RELN: variants seen among roughly 807,000 people sequenced by gnomAD.
The protein encoded by RELN is reelin.
RELN carries 108 observed loss-of-function variants against 427.6 expected under a neutral mutation model. The ratio of observed to expected loss-of-function variants is 0.25; its 90% CI spans 0.22 to 0.30. The LOEUF is 0.30. Ranked by LOEUF, RELN falls within the 10% of genes least tolerant of loss-of-function variation. RELN has a pLI of 1.00. For missense variants in RELN, 3,715 were observed against 4,302.8 expected (o/e 0.86, Z 3.82); for synonymous variants, 1,524 against 1,513.4 (o/e 1.01, Z -0.16).
chr7:103,760,622 T>C (rs892184719), intron 4 of RELN, among the ~76,000 whole-genome samples: 1 of 152,064 alleles, frequency 6.6e-6, no homozygotes, highest in African/African-American at 2.4e-5. Context: ...GCTAATATTA[T>C]TGATTACTTA....
intron 3 of RELN, among the ~76,000 whole-genome samples, chr7:103,818,765 T>C (rs1325025073): frequency 1.3e-5 from 2 of 152,000 alleles, no homozygotes; most frequent in Non-Finnish European, 1.5e-5. Flanking sequence ...ATGTTGTAGA[T>C]GCATATTTAT....
intron 3 of RELN, among the ~76,000 whole-genome samples, chr7:103,801,296 G>T (rs866594985): frequency 3.3e-5 from 5 of 152,110 alleles, no homozygotes; most frequent in African/African-American, 9.7e-5. Context: ...GTTTATTGTG[G>T]CACTATTCAC....
At chr7:103,571,847 G>A (rs961525284) in intron 31 of RELN, among the ~76,000 whole-genome samples, 1 of 152,142 alleles carries the variant, frequency 6.6e-6, no homozygotes, top group Admixed American at 6.5e-5. Flanking sequence ...CAAGTCTCTA[G>A]CTTCCATGCT....
chr7:103,945,814 A>G (rs927880130), intron 1 of RELN, among the ~76,000 whole-genome samples: 11 of 152,236 alleles, frequency 7.2e-5, no homozygotes, highest in African/African-American at 2.4e-4. Context: ...ATCTTTAGAT[A>G]CACAAACATT....
intron 4 of RELN, among the ~76,000 whole-genome samples, chr7:103,775,175 T>TA (rs1172700716): frequency 6.6e-6 from 1 of 152,194 alleles, no homozygotes; most frequent in Non-Finnish European, 1.5e-5. Context: ...TATGTGGTGT[T>TA]CTATATTTTC....
At chr7:103,585,778 C>T (rs929334753) in intron 28 of RELN, among the ~76,000 whole-genome samples, 1 of 152,056 alleles carries the variant, frequency 6.6e-6, no homozygotes, top group African/African-American at 2.4e-5. Flanking sequence ...AGGCTAGTAT[C>T]CCTGATGAAC....
intron 6 of RELN, among the ~76,000 whole-genome samples, chr7:103,747,885 A>C (rs922770318): frequency 3.3e-5 from 5 of 151,450 alleles, no homozygotes; most frequent in African/African-American, 1.2e-4. Context: ...AGCATCTATC[A>C]GATCAGTCAT....
In RELN at chr7:103,566,380, C is replaced by T; in HGVS notation, c.4780G>A (p.Val1594Ile). Residue 1594 changes from valine (V) to isoleucine (I), a missense_variant, in exon 33 of 65, where the codon GTT becomes ATT. Coordinates refer to ENST00000428762, the MANE Select transcript of RELN (RefSeq NM_005045.4). ...KHSAQWALDD[V>I]LIGMNDSSQT... Reference sequence around the variant, plus strand: ...GAGCTGTCATTCATTCCTATAAGAACATCATCCAAAGCCCACTGGGCTGAA... The same window carrying T: ...GAGCTGTCATTCATTCCTATAAGAATATCATCCAAAGCCCACTGGGCTGAA... 1 of 1,614,144 alleles carries T rather than the reference C, an allele frequency of 6.2e-7. No homozygotes were observed. Among genetic ancestry groups the T allele is most frequent in the African/African-American group, 1.3e-5 (1 of 75,052 alleles).
At chr7:103,851,018 A>G (rs556162297) in intron 2 of RELN, among the ~76,000 whole-genome samples, 1 of 152,342 alleles carries the variant, frequency 6.6e-6, no homozygotes, top group African/African-American at 2.4e-5. Flanking sequence ...CATTCGAAAA[A>G]GATACTTGCA....
intron 2 of RELN, among the ~76,000 whole-genome samples, chr7:103,888,897 C>G: frequency 6.6e-6 from 1 of 152,184 alleles, no homozygotes; most frequent in Non-Finnish European, 1.5e-5. Context: ...ATGACTCCTG[C>G]TGACCCACAC....
At chr7:103,615,932 G>T (rs371230634) in intron 20 of RELN, among the ~76,000 whole-genome samples, 6 of 152,064 alleles carry the variant, frequency 3.9e-5, no homozygotes, top group Non-Finnish European at 7.4e-5. Context: ...CAGAAAAAAG[G>T]CTCTTTTATA....
intron 20 of RELN, among the ~76,000 whole-genome samples, chr7:103,618,852 C>T (rs1368429803): frequency 6.6e-6 from 1 of 152,274 alleles, no homozygotes; most frequent in South Asian, 2.1e-4. Context: ...GTGGCTCACA[C>T]CTGTAATCCC....
Position 103,815,427 on chromosome 7 carries a change from T to G in RELN, c.473+18110A>C, listed in dbSNP as rs368365147. ...TCTTCCTCAGATTTAAAATCATAAG[T>G]GTGACTTGATGCATGAAACAAAAAG... On this transcript the variant is annotated intron_variant, in intron 3 of 64. Coordinates refer to ENST00000428762, the MANE Select transcript of RELN (RefSeq NM_005045.4). Among the ~76,000 whole-genome samples the G allele has an allele frequency of 7.2e-5, 11 of 152,330 alleles. No individual in the cohort carries two copies. The East Asian group carries it at 9.6e-4, about 13-fold the overall frequency.
chr7:103,529,837 G>C (rs1005156324), intron 46 of RELN, among the ~76,000 whole-genome samples: 1 of 152,032 alleles, frequency 6.6e-6, no homozygotes. Flanking sequence ...ATCCAGTAAA[G>C]TTTTTTGTGA....
At position 103,891,252 on chromosome 7, in the gene RELN, C is replaced by A. The variant is rs1794842677; in HGVS notation, c.337+25823G>T. Among the ~76,000 whole-genome samples the A allele has an allele frequency of 2.6e-5, 4 of 152,122 alleles. No homozygotes were observed. In the South Asian group the frequency reaches 8.3e-4, roughly 31 times the overall value. On this transcript the variant is annotated intron_variant, in intron 2 of 64. Transcript: ENST00000428762. Reference sequence around the variant, plus strand: ...ATAAACTCTTCCATCTTAAAAACAACACTGTTCATCTTAGACACTTTAGGG... The same window carrying A: ...ATAAACTCTTCCATCTTAAAAACAAAACTGTTCATCTTAGACACTTTAGGG...
intron 46 of RELN, among the ~76,000 whole-genome samples, chr7:103,525,102 G>C (rs1049267536): frequency 6.6e-6 from 1 of 151,790 alleles, no homozygotes; most frequent in African/African-American, 2.4e-5. Context: ...CTCTTTCTCT[G>C]TCTCTGTCTC....
intron 1 of RELN, among the ~76,000 whole-genome samples, chr7:103,962,390 T>C (rs910713547): frequency 2.0e-5 from 3 of 152,138 alleles, no homozygotes; most frequent in African/African-American, 7.2e-5. Context: ...CATCTTTCTC[T>C]GTGGCCTTCC....
intron 4 of RELN, among the ~76,000 whole-genome samples, chr7:103,766,040 T>G (rs946064810): frequency 6.6e-6 from 1 of 152,190 alleles, no homozygotes; most frequent in African/African-American, 2.4e-5. Flanking sequence ...TTAATCTGCT[T>G]GTCTTCAGAT....
chr7:103,872,862 C>T (rs1265743502), intron 2 of RELN, among the ~76,000 whole-genome samples: 1 of 150,604 alleles, frequency 6.6e-6, no homozygotes, highest in Non-Finnish European at 1.5e-5. Context: ...TAAATGTCTT[C>T]TTTTGAGAAG....
Sources: gnomAD v4.1 joint callset for allele counts (sites outside exome capture counted in the v4.1 genomes callset) on GRCh38, gnomAD v4.1.1 for gene constraint, MANE v1.5 for transcripts, NCBI Gene and HGNC (gene_info 2026-07-23, HGNC 2026-07-21) for gene names.